DMTN: variants seen among roughly 807,000 people sequenced by gnomAD.
The protein encoded by DMTN is dematin.
DMTN carries 27 observed loss-of-function variants against 59.4 expected under a neutral mutation model. The observed-to-expected ratio is 0.45, with a 90% CI of 0.33 to 0.63. The LOEUF is 0.63. Among genes scored for constraint, DMTN ranks in the 20% least tolerant of loss-of-function variants. DMTN has a pLI of 0.02. For missense variants in DMTN, 451 were observed against 528.9 expected (o/e 0.85, Z 1.45); for synonymous variants, 221 against 203.7 (o/e 1.08, Z -0.72).
At chr8:22,056,769 G>C (rs1802794977), upstream of DMTN, 1 of 152,262 alleles carries the variant, frequency 6.6e-6, no homozygotes, top group African/African-American at 2.4e-5. Flanking sequence ...GGAGGGCGCG[G>C]GGAGGGCGTG....
chr8:22,080,799 C>T lies in DMTN; in HGVS notation c.958-6C>T, dbSNP rs749795463. 2.5e-6 allele frequency: 4 copies of T among 1,607,088 alleles called. No individual in the cohort carries two copies. The African/African-American group carries it at 4.0e-5, about 16-fold the overall frequency. On this transcript the variant is annotated splice_polypyrimidine_tract_variant and splice_region_variant and intron_variant, in intron 13 of 15. Transcript: ENST00000358242. The stretch of plus-strand genomic sequence containing the variant: ...CTCTGGCTCACTGCGGCTTTGGTCT[C>T]CCCAGAACGGAGAGGGCCAGAGGGG...
intron 4 of DMTN, among the ~76,000 whole-genome samples, chr8:22,068,388 C>T (rs1393709457): frequency 6.6e-6 from 1 of 152,184 alleles, no homozygotes; most frequent in Non-Finnish European, 1.5e-5. Context: ...CCAGTCCAGG[C>T]AACACAGGGA....
At chr8:22,078,168 C>T (rs1342108521) in intron 10 of DMTN, among the ~76,000 whole-genome samples, 1 of 151,654 alleles carries the variant, frequency 6.6e-6, no homozygotes, top group Non-Finnish European at 1.5e-5. Context: ...AGCTCAAGAC[C>T]AGCATGGCCA....
At chr8:22,073,962 C>A in intron 10 of DMTN, 127 bp downstream of exon 10, 1 of 683,084 alleles carries the variant, frequency 1.5e-6, no homozygotes, top group Non-Finnish European at 2.5e-6. Context: ...CTCTTGGGAG[C>A]AAGAATCCCA....
intron 6 of DMTN, 58 bp downstream of exon 6, chr8:22,069,576 A>G (rs1813582370): frequency 4.9e-6 from 7 of 1,427,202 alleles, no homozygotes; most frequent in Non-Finnish European, 6.7e-6. Context: ...CAGGAACCCC[A>G]ATCCCCTTAC....
chr8:22,050,624 T>G (rs1801252915), upstream of DMTN, among the ~76,000 whole-genome samples: 1 of 150,958 alleles, frequency 6.6e-6, no homozygotes, highest in African/African-American at 2.4e-5. Context: ...CTTTTTGAGG[T>G]GAGACCTGGC....
chr8:22,064,635 T>G (rs955372645), intron 1 of DMTN, among the ~76,000 whole-genome samples: 1 of 152,224 alleles, frequency 6.6e-6, no homozygotes, highest in African/African-American at 2.4e-5. Context: ...ATTTTTTGTA[T>G]TTTTAGTAGA....
chr8:22,066,402 T>C (rs2130861665), intron 1 of DMTN: 1 of 152,248 alleles, frequency 6.6e-6, no homozygotes, highest in South Asian at 2.0e-4. Flanking sequence ...GGGGAGGGCC[T>C]CAGCCAGGGC....
At chr8:22,066,998 C>T (rs1811195110) in intron 2 of DMTN, 87 bp from the exon 3 acceptor site, 3 of 1,299,438 alleles carry the variant, frequency 2.3e-6, no homozygotes, top group Non-Finnish European at 9.8e-7. Context: ...CCGCGCAGCG[C>T]CCCGGGTCCC....
chr8:22,070,355 G>A, intron 8 of DMTN, 21 bp downstream of exon 8: 5 of 1,575,714 alleles, frequency 3.2e-6, no homozygotes, highest in East Asian at 2.3e-5. Context: ...TGGGGAGAGT[G>A]GAATGGGTGG....
upstream of DMTN, among the ~76,000 whole-genome samples, chr8:22,056,361 C>T (rs907659966): frequency 6.6e-6 from 1 of 152,160 alleles, no homozygotes; most frequent in African/African-American, 2.4e-5. Context: ...CCTGCACCCC[C>T]ACCTCAAGAG....
At chr8:22,066,657 C>T (rs1349055639) in intron 1 of DMTN, 48 bp from the exon 2 acceptor site, 4 of 392,802 alleles carry the variant, frequency 1.0e-5, no homozygotes, top group Non-Finnish European at 8.6e-6. Context: ...GCGGAGGCCC[C>T]GCAGCCTAAC....
chr8:22,052,236 A>G (rs1801427638), upstream of DMTN, among the ~76,000 whole-genome samples: 2 of 152,252 alleles, frequency 1.3e-5, no homozygotes, highest in African/African-American at 4.8e-5. Flanking sequence ...TGTGCTTGTC[A>G]TGATTCCGCT....
At chr8:22,068,748 G>GAGGA (rs201407828) in intron 4 of DMTN, among the ~76,000 whole-genome samples, 463 of 151,390 alleles carry the variant, frequency 3.1e-3, no homozygotes, top group African/African-American at 7.1e-3. Context: ...GGGGAGGAGA[G>GAGGA]AGGAAGGAAG....
At position 22,082,378 on chromosome 8, in the gene DMTN, T is replaced by C. The variant is rs1384208421; in HGVS notation, c.*915T>C. The C allele has an allele frequency of 7.9e-6, 3 of 382,110 alleles. No individual in the cohort carries two copies. The highest frequency in any genetic ancestry group is 1.6e-5 in the Non-Finnish European group (3 of 190,238). 23.7% of individuals were successfully genotyped at this position (382,110 alleles called of 1,614,324 possible). A position where few individuals can be genotyped will look rare whatever the true frequency, so the allele number is the denominator to read the frequency against. Reference sequence around the variant, plus strand: ...CACCCCCAGCTTGACTTCTTTCCAGTCCACGTGTGTATATAATGATATCTA... The same window carrying C: ...CACCCCCAGCTTGACTTCTTTCCAGCCCACGTGTGTATATAATGATATCTA... On this transcript the variant is annotated 3_prime_UTR_variant, in exon 16 of 16. Coordinates refer to ENST00000358242, the MANE Select transcript of DMTN (RefSeq NM_001387751.1).
At chr8:22,059,222 A>C (rs1216651850) in intron 1 of DMTN, 2 of 152,598 alleles carry the variant, frequency 1.3e-5, no homozygotes, top group African/African-American at 4.8e-5. Context: ...GAGAAAGCAG[A>C]AAGACAGGAG....
At chr8:22,072,608 C>T (rs1816510701) in intron 9 of DMTN, among the ~76,000 whole-genome samples, 158 bp downstream of exon 9, 1 of 150,966 alleles carries the variant, frequency 6.6e-6, no homozygotes, top group African/African-American at 2.4e-5. Context: ...GGATTACAGG[C>T]ACGCCACCAC....
upstream of DMTN, among the ~76,000 whole-genome samples, chr8:22,052,369 A>G (rs1474500668): frequency 6.6e-6 from 1 of 152,230 alleles, no homozygotes; most frequent in Non-Finnish European, 1.5e-5. Flanking sequence ...CCTAGAAAGA[A>G]GTCATTGGCC....
At chr8:22,055,137 T>A (rs1205384669), upstream of DMTN, 3 of 152,494 alleles carry the variant, frequency 2.0e-5, no homozygotes, top group African/African-American at 7.3e-5. Context: ...TACCCATTCC[T>A]CATCACCCAC....
Sources: gnomAD v4.1 joint callset for allele counts (sites outside exome capture counted in the v4.1 genomes callset) on GRCh38, gnomAD v4.1.1 for gene constraint, MANE v1.5 for transcripts, NCBI Gene and HGNC (gene_info 2026-07-23, HGNC 2026-07-21) for gene names.